SEC14L6: variants seen among roughly 807,000 people sequenced by gnomAD.
SEC14L6 encodes SEC14-like protein 6.
A neutral mutation model predicts 54.1 loss-of-function variants in SEC14L6; 40 were observed. That is an observed-to-expected ratio of 0.74 (90% CI 0.57 to 0.96). The LOEUF is 0.96. Among genes scored for constraint, SEC14L6 ranks in the 40% least tolerant of loss-of-function variants. The pLI, the probability that SEC14L6 is intolerant of heterozygous loss-of-function variation, is 0.00. For synonymous variants in SEC14L6, 171 were observed against 198.4 expected (o/e 0.86, Z 1.16); for missense variants, 471 against 498.3 (o/e 0.95, Z 0.52).
chr22:30,535,851 C>T (rs1480398070), intron 2 of SEC14L6, among the ~76,000 whole-genome samples: 1 of 151,656 alleles, frequency 6.6e-6, no homozygotes, highest in Admixed American at 6.6e-5. Flanking sequence ...GCTGGGAACA[C>T]AGGCAGGCAA....
rs1356091240 is a variant in SEC14L6, at chr22:30,524,665, C to G, written c.*332G>C. The G allele has an allele frequency of 5.1e-6, 1 of 194,878 alleles. No homozygotes were observed. Among genetic ancestry groups the G allele is most frequent in the Admixed American group, 5.5e-5 (1 of 18,232 alleles). The allele number at this position is 194,878 out of a possible 1,614,324, so 12.1% of individuals were successfully genotyped here. A position where few individuals can be genotyped will look rare whatever the true frequency, so the allele number is the denominator to read the frequency against. ...GTGCTGGGATTACAGGTATGAGCCA[C>G]CATGCCTGGCCTAATACTATATTTT... On this transcript the variant is annotated 3_prime_UTR_variant, in exon 12 of 12. Coordinates refer to ENST00000402034, the MANE Select transcript of SEC14L6 (RefSeq NM_001193336.4).
intron 6 of SEC14L6, among the ~76,000 whole-genome samples, chr22:30,530,899 G>A (rs141703777): frequency 6.6e-6 from 1 of 152,322 alleles, no homozygotes; most frequent in Non-Finnish European, 1.5e-5. Flanking sequence ...CAGAAGGGTA[G>A]GCAGGTATTG....
Position 30,532,564 on chromosome 22 carries a change from G to A in SEC14L6, c.384C>T (p.Cys128=), listed in dbSNP as rs1008318910. Reference sequence around the variant, plus strand: ...GCTCACACTCCCGCAGGAGCAGCTCGCAGCTCCGGAAGCTGTCCCTGAGCA... The same window carrying A: ...GCTCACACTCCCGCAGGAGCAGCTCACAGCTCCGGAAGCTGTCCCTGAGCA... The part of the protein sequence containing the change: ...QELLRDSFRS[C]ELLLRECELQ... Residue 128 remains cysteine, a synonymous_variant, in exon 5 of 12, where the codon TGC becomes TGT. Coordinates refer to ENST00000402034, the MANE Select transcript of SEC14L6 (RefSeq NM_001193336.4). 17 of 1,550,544 alleles carry A rather than the reference G, an allele frequency of 1.1e-5. 1 individual carries two copies. The highest frequency in any genetic ancestry group is 5.9e-5 in the South Asian group (5 of 84,052).
rs1936682840 is a variant in SEC14L6, at chr22:30,523,876, CT to C, written c.*1120del. 1.3e-5 allele frequency: 2 copies of C among 152,204 alleles called. No individual in the cohort carries two copies. The highest frequency in any genetic ancestry group is 2.1e-4 in the South Asian group (1 of 4,830). The allele number at this position is 152,204 out of a possible 1,614,324, so 9.4% of individuals were successfully genotyped here. The stretch of plus-strand genomic sequence containing the variant: ...AACCATGTCTTTTATTTTCTGCATG[CT>C]TTAACATCTGAGGTTTTGCTAATCC... On this transcript the variant is annotated 3_prime_UTR_variant, in exon 12 of 12. Transcript: ENST00000402034.
chr22:30,533,644 C>T (rs906184923), intron 3 of SEC14L6, among the ~76,000 whole-genome samples: 2 of 151,882 alleles, frequency 1.3e-5, no homozygotes, highest in Non-Finnish European at 2.9e-5. Context: ...ACCTCAGGGC[C>T]TTTGCATGAG....
rs1438142299 is a variant in SEC14L6, at chr22:30,524,204, C to G, written c.*793G>C. On this transcript the variant is annotated 3_prime_UTR_variant, in exon 12 of 12. Transcript: ENST00000402034. ...TAAAGTTGCTTTGTCCAGAGTTTTT[C>G]TGTCTCATGTGCGTCATGTTCGGCC... 2 of 152,174 alleles carry G rather than the reference C, an allele frequency of 1.3e-5. No homozygotes were observed. Among genetic ancestry groups the G allele is most frequent in the Non-Finnish European group, 2.9e-5 (2 of 68,032 alleles). The allele number at this position is 152,174 out of a possible 1,614,324, so 9.4% of individuals were successfully genotyped here.
chr22:30,525,116 T>C lies in SEC14L6; in HGVS notation c.1082-7A>G, dbSNP rs1301205128. Reference sequence around the variant, plus strand: ...TTGTAAAACCTCAGGACATCTGCAGTGAGGGACAGACATTCAGACAAGATG... The same window carrying C: ...TTGTAAAACCTCAGGACATCTGCAGCGAGGGACAGACATTCAGACAAGATG... On this transcript the variant is annotated splice_polypyrimidine_tract_variant and splice_region_variant and intron_variant, in intron 11 of 11. Coordinates refer to ENST00000402034, the MANE Select transcript of SEC14L6 (RefSeq NM_001193336.4). 1 of 1,494,568 alleles carries C rather than the reference T, an allele frequency of 6.7e-7. No homozygotes were observed. The highest frequency in any genetic ancestry group is 1.4e-5 in the African/African-American group (1 of 71,846). 92.6% of individuals were successfully genotyped at this position (1,494,568 alleles called of 1,614,324 possible). A position where few individuals can be genotyped will look rare whatever the true frequency, so the allele number is the denominator to read the frequency against.
intron 1 of SEC14L6, among the ~76,000 whole-genome samples, chr22:30,541,789 C>T (rs1306315631): frequency 1.3e-5 from 2 of 152,212 alleles, no homozygotes; most frequent in Non-Finnish European, 2.9e-5. Context: ...GCCATGTTCT[C>T]ACCACTACAC....
intron 1 of SEC14L6, among the ~76,000 whole-genome samples, chr22:30,540,424 T>C (rs535976224): frequency 6.9e-6 from 1 of 145,334 alleles, no homozygotes; most frequent in South Asian, 2.2e-4. Flanking sequence ...GGCATTAAGA[T>C]CAATTACTTG....
chr22:30,530,438 C>T (rs938981015), intron 6 of SEC14L6, among the ~76,000 whole-genome samples: 1 of 152,090 alleles, frequency 6.6e-6, no homozygotes, highest in Non-Finnish European at 1.5e-5. Context: ...ATATAATTTA[C>T]ATCCCAGGCT....
chr22:30,543,186 C>A, intron 1 of SEC14L6: 1 of 1,603,444 alleles, frequency 6.2e-7, no homozygotes, highest in Non-Finnish European at 8.5e-7. Flanking sequence ...AGAGCGTGTC[C>A]TACAGCATCC....
chr22:30,542,562 AGCC>A (rs1449728190), intron 1 of SEC14L6: 1 of 1,381,692 alleles, frequency 7.2e-7, no homozygotes, highest in East Asian at 2.7e-5. Context: ...CGGGCGGCGT[AGCC>A]GCGGCCCATG....
chr22:30,523,112 C>G lies in SEC14L6; in HGVS notation c.*1885G>C, dbSNP rs1173634293. On this transcript the variant is annotated 3_prime_UTR_variant, in exon 12 of 12. Transcript: ENST00000402034. ...GGGAGGGGCTGAGGGAGAGCAAGGG[C>G]TGCTGAATGCCCGTGTTTCCATTTT... 6.6e-6 allele frequency: 1 copy of G among 152,134 alleles called. No individual in the cohort carries two copies. Among genetic ancestry groups the G allele is most frequent in the African/African-American group, 2.4e-5 (1 of 41,426 alleles). The allele number at this position is 152,134 out of a possible 1,614,324, so 9.4% of individuals were successfully genotyped here. A position where few individuals can be genotyped will look rare whatever the true frequency, so the allele number is the denominator to read the frequency against.
In SEC14L6 at chr22:30,524,985, C is replaced by T; in HGVS notation, c.*12G>A. 1 of 1,341,682 alleles carries T rather than the reference C, an allele frequency of 7.5e-7. No individual in the cohort carries two copies. The highest frequency in any genetic ancestry group is 1.3e-5 in the South Asian group (1 of 79,852). The allele number at this position is 1,341,682 out of a possible 1,614,324, so 83.1% of individuals were successfully genotyped here. ...AGATCAAAGAGGAGGGTGTGGGGAC[C>T]ATGAGGTTCACCTAGAATTTCTCCA... On this transcript the variant is annotated 3_prime_UTR_variant, in exon 12 of 12. Coordinates refer to ENST00000402034, the MANE Select transcript of SEC14L6 (RefSeq NM_001193336.4).
chr22:30,530,853 G>A (rs1936945336), intron 6 of SEC14L6, among the ~76,000 whole-genome samples: 3 of 152,182 alleles, frequency 2.0e-5, no homozygotes, highest in South Asian at 2.1e-4. Context: ...GCCCTTCCCA[G>A]AGGAAATGGC....
intron 9 of SEC14L6, 36 bp downstream of exon 9, chr22:30,525,790 T>C (rs1020770739): frequency 6.2e-7 from 1 of 1,613,506 alleles, no homozygotes; most frequent in Non-Finnish European, 8.5e-7. Context: ...GGTCACAGCT[T>C]CTCCCCTCCT....
intron 1 of SEC14L6, among the ~76,000 whole-genome samples, chr22:30,541,916 T>G (rs989045144): frequency 6.6e-6 from 1 of 152,186 alleles, no homozygotes; most frequent in Non-Finnish European, 1.5e-5. Context: ...CAGCAACACA[T>G]TCAGCCATTT....
In SEC14L6 at chr22:30,542,590, G is replaced by A. The variant is rs556121983; in HGVS notation, c.55-3688C>T. The A allele has an allele frequency of 1.1e-4, 170 of 1,496,030 alleles. 1 individual carries two copies. In the South Asian group the frequency reaches 2.0e-3, roughly 17 times the overall value. 92.7% of individuals were successfully genotyped at this position (1,496,030 alleles called of 1,614,324 possible). On this transcript the variant is annotated intron_variant, in intron 1 of 11. Coordinates refer to ENST00000402034, the MANE Select transcript of SEC14L6 (RefSeq NM_001193336.4). ...CGCGGCCCATGGAGCCCGCGGGCCG[G>A]TCCCCGGCCGCCTCGGGCCGCTGCT...
At chr22:30,538,327 C>T (rs1351493546) in intron 2 of SEC14L6, among the ~76,000 whole-genome samples, 7 of 147,888 alleles carry the variant, frequency 4.7e-5, no homozygotes, top group South Asian at 2.1e-4. Flanking sequence ...AGTGGGACTC[C>T]GTCTCAACAA....
Sources: allele counts gnomAD v4.1 joint callset (sites outside exome capture counted in the v4.1 genomes callset), GRCh38; gene constraint gnomAD v4.1.1; transcripts MANE v1.5; gene names NCBI Gene and HGNC (gene_info 2026-07-23, HGNC 2026-07-21).